Variants in MGMT observed in about 807,000 individuals in gnomAD.
MGMT encodes the protein O-6-methylguanine-DNA methyltransferase, also known as methylated-DNA--protein-cysteine methyltransferase.
In MGMT, 14 loss-of-function variants were observed where a neutral mutation model predicts 15.9. That is an observed-to-expected ratio of 0.88 (90% CI 0.58 to 1.37). The LOEUF is 1.37. MGMT is among the 40% of genes most tolerant of loss of function. MGMT has a pLI of 0.00. For synonymous variants in MGMT, 130 were observed against 118.2 expected (o/e 1.10, Z -0.65); for missense variants, 282 against 268.1 (o/e 1.05, Z -0.36).
intron 2 of MGMT, among the ~76,000 whole-genome samples, chr10:129,578,555 G>A (rs1454584776): frequency 1.3e-5 from 2 of 151,784 alleles, no homozygotes; most frequent in African/African-American, 4.8e-5. Context: ...AGGGGGAGGG[G>A]TAGCATTAGG....
intron 2 of MGMT, among the ~76,000 whole-genome samples, chr10:129,624,086 C>T (rs369586296): frequency 3.3e-5 from 5 of 152,278 alleles, no homozygotes; most frequent in Non-Finnish European, 1.5e-5. Flanking sequence ...TGAGGCAACA[C>T]GCTCAGCGCC....
At chr10:129,647,711 C>A (rs1011356739) in intron 2 of MGMT, among the ~76,000 whole-genome samples, 1 of 152,290 alleles carries the variant, frequency 6.6e-6, no homozygotes, top group Middle Eastern at 3.4e-3. Context: ...ATAGCGGCAA[C>A]AGAAATACAA....
At chr10:129,635,873 A>G (rs1341218768) in intron 2 of MGMT, among the ~76,000 whole-genome samples, 2 of 152,326 alleles carry the variant, frequency 1.3e-5, no homozygotes, top group East Asian at 3.9e-4. Context: ...AGAATAAGAC[A>G]GATTCTCCTA....
intron 2 of MGMT, among the ~76,000 whole-genome samples, chr10:129,558,300 G>C (rs1846238341): frequency 6.6e-6 from 1 of 152,214 alleles, no homozygotes; most frequent in Non-Finnish European, 1.5e-5. Flanking sequence ...TGCCCATTTT[G>C]AATAAGTCTA....
intron 2 of MGMT, among the ~76,000 whole-genome samples, chr10:129,615,063 G>A (rs1044770530): frequency 2.0e-5 from 3 of 152,104 alleles, no homozygotes; most frequent in Non-Finnish European, 4.4e-5. Flanking sequence ...GGGGTGGGGA[G>A]GTGCAGTGGA....
At chr10:129,506,938 GCCCTGAGCCC>G (rs1428023145) in intron 1 of MGMT, among the ~76,000 whole-genome samples, 1 of 149,442 alleles carries the variant, frequency 6.7e-6, no homozygotes, top group African/African-American at 2.6e-5. Flanking sequence ...AGGGCTGTGG[GCCCTGAGCCC>G]ATCTGAATAG....
intron 2 of MGMT, among the ~76,000 whole-genome samples, chr10:129,546,026 C>A (rs1041958381): frequency 2.6e-5 from 4 of 152,210 alleles, no homozygotes; most frequent in Non-Finnish European, 5.9e-5. Context: ...ATTTTTATTT[C>A]CAGTTGCTGT....
intron 3 of MGMT, among the ~76,000 whole-genome samples, chr10:129,713,166 G>A (rs532999864): frequency 2.3e-4 from 35 of 152,248 alleles, no homozygotes; most frequent in African/African-American, 7.5e-4. Context: ...AGATGCATTT[G>A]CCACCACGTG....
At position 129,520,472 on chromosome 10, in the gene MGMT, ACAGAGCCCCTATGGTGCAGGTG is replaced by A. The variant is rs1845791052; in HGVS notation, c.-12-15757_-12-15736del. Among the ~76,000 whole-genome samples, 4 of 100,780 alleles carry A rather than the reference ACAGAGCCCCTATGGTGCAGGTG, an allele frequency of 4.0e-5. No homozygotes were observed. In the South Asian group the frequency reaches 1.2e-3, roughly 29 times the overall value. The allele number at this position is 100,780 out of a possible 152,430, so 66.1% of individuals were successfully genotyped here. On this transcript the variant is annotated intron_variant, in intron 1 of 4. Transcript: ENST00000651593. ...AGTACAGAGCCCCTGTGGTGCATGT[ACAGAGCCCCTATGGTGCAGGTG>A]CAGAGCCCCTACGGTGCAGGTGCAG...
At chr10:129,522,465 C>G (rs1017080615) in intron 1 of MGMT, among the ~76,000 whole-genome samples, 3 of 152,190 alleles carry the variant, frequency 2.0e-5, no homozygotes, top group African/African-American at 7.2e-5. Context: ...CCTGGAGCCC[C>G]CATCCCACAG....
intron 2 of MGMT, among the ~76,000 whole-genome samples, chr10:129,546,974 A>G (rs1846104521): frequency 6.6e-6 from 1 of 152,136 alleles, no homozygotes; most frequent in East Asian, 1.9e-4. Context: ...CTTCACCCCA[A>G]ACACCCCAAG....
chr10:129,675,202 G>A (rs1454417443), intron 2 of MGMT, among the ~76,000 whole-genome samples: 1 of 152,170 alleles, frequency 6.6e-6, no homozygotes, highest in Admixed American at 6.5e-5. Flanking sequence ...TGGGAGGTTT[G>A]AGAGGGTGTC....
chr10:129,732,014 C>T (rs764498668), intron 3 of MGMT, among the ~76,000 whole-genome samples: 8 of 152,142 alleles, frequency 5.3e-5, no homozygotes, highest in South Asian at 2.1e-4. Flanking sequence ...ATGATTTTGA[C>T]CTCACAAACC....
chr10:129,531,927 A>G (rs554930061), intron 1 of MGMT, among the ~76,000 whole-genome samples: 1 of 152,338 alleles, frequency 6.6e-6, no homozygotes, highest in South Asian at 2.1e-4. Flanking sequence ...TACCTAAATA[A>G]TTAGCCAGTT....
chr10:129,497,509 A>G (rs1250456680), intron 1 of MGMT, among the ~76,000 whole-genome samples: 4 of 152,210 alleles, frequency 2.6e-5, no homozygotes, highest in African/African-American at 9.7e-5. Context: ...AGACTTGCTG[A>G]AAAGTTGCAC....
At position 129,718,059 on chromosome 10, in the gene MGMT, G is replaced by C. The variant is rs541470992; in HGVS notation, c.274+10016G>C. 1.1e-4 allele frequency among the ~76,000 whole-genome samples: 16 copies of C among 152,294 alleles called. 1 individual carries two copies. Among genetic ancestry groups the C allele is most frequent in the Admixed American group, 9.8e-4 (15 of 15,300 alleles). The stretch of plus-strand genomic sequence containing the variant: ...GACACACAGAGCTCTTTCTGTGTTA[G>C]CCAGCTGACCACAGCACGACCCCAA... On this transcript the variant is annotated intron_variant, in intron 3 of 4. Coordinates refer to ENST00000651593, the MANE Select transcript of MGMT (RefSeq NM_002412.5).
chr10:129,467,385 A>C, intron 1 of MGMT, 89 bp downstream of exon 1: 1 of 1,389,558 alleles, frequency 7.2e-7, no homozygotes. Flanking sequence ...AGGCGCCCTC[A>C]CTTCGCCGTC....
intron 2 of MGMT, among the ~76,000 whole-genome samples, chr10:129,577,367 T>A (rs1163639616): frequency 1.3e-5 from 2 of 152,128 alleles, no homozygotes; most frequent in Non-Finnish European, 2.9e-5. Flanking sequence ...AACAGAGCCC[T>A]CAGAAATAAT....
chr10:129,717,551 T>G (rs943109429), intron 3 of MGMT: 12 of 152,264 alleles, frequency 7.9e-5, no homozygotes, highest in Admixed American at 6.5e-4. Context: ...GCATTAAGCT[T>G]TTCATTTTAA....
Sources: gnomAD v4.1 joint callset for allele counts (sites outside exome capture counted in the v4.1 genomes callset) on GRCh38, gnomAD v4.1.1 for gene constraint, MANE v1.5 for transcripts, NCBI Gene and HGNC (gene_info 2026-07-23, HGNC 2026-07-21) for gene names.